Variants in LBR observed in about 807,000 individuals in gnomAD.
The protein encoded by LBR is delta(14)-sterol reductase LBR.
Under a neutral mutation model 74.3 loss-of-function variants are expected in LBR, and 28 were observed. The observed-to-expected ratio is 0.38, with a 90% CI of 0.28 to 0.52. The LOEUF (loss-of-function observed/expected upper bound fraction) is 0.52, where lower values mean the gene tolerates loss of function less well. Ranked by LOEUF, LBR falls within the 20% of genes least tolerant of loss-of-function variation. LBR has a pLI of 0.89. For missense variants in LBR, 717 were observed against 760.3 expected (o/e 0.94, Z 0.67); for synonymous variants, 228 against 269.3 (o/e 0.85, Z 1.50).
At chr1:225,413,671 T>A (rs1371057614) in intron 7 of LBR, among the ~76,000 whole-genome samples, 2 of 152,356 alleles carry the variant, frequency 1.3e-5, no homozygotes, top group South Asian at 4.1e-4. Context: ...TAAAAAAGAA[T>A]GGTTAGATAA....
intron 7 of LBR, chr1:225,413,919 G>C: frequency 2.2e-6 from 1 of 456,950 alleles, no homozygotes; most frequent in South Asian, 1.5e-5. Flanking sequence ...ACACCCCTCA[G>C]AGGGAAGTGA....
At chr1:225,404,142 A>G (rs1444555350) in intron 13 of LBR, among the ~76,000 whole-genome samples, 1 of 152,144 alleles carries the variant, frequency 6.6e-6, no homozygotes, top group Admixed American at 6.5e-5. Context: ...TAATTTCTAT[A>G]TATTCTACTT....
In LBR at chr1:225,418,031, G is replaced by A. The variant is rs140355742; in HGVS notation, c.790C>T (p.Leu264=). 213 of 1,614,198 alleles carry A rather than the reference G, an allele frequency of 1.3e-4. 1 individual carries two copies. Among genetic ancestry groups the A allele is most frequent in the Admixed American group, 1.5e-4 (9 of 60,032 alleles). The change falls in exon 6 of 14, where the codon CTG becomes TTG. Residue 264 remains leucine (L), a synonymous_variant. Transcript: ENST00000272163. ...WETRVFGVYL[L]WFLIQVLFYL... is the part of the protein sequence containing the mutation. ...AACAGGACTTGAATCAAAAACCACA[G>A]GAGGTAGACCCCAAATACTCTGGTT...
intron 7 of LBR, among the ~76,000 whole-genome samples, chr1:225,412,924 A>T (rs1302799165): frequency 6.6e-6 from 1 of 152,210 alleles, no homozygotes; most frequent in Non-Finnish European, 1.5e-5. Flanking sequence ...AACAGACAAG[A>T]AGTGCAACCT....
rs78828796 is a variant in LBR at position 225,404,662 on chromosome 1, C to T, written c.1528G>A (p.Ala510Thr). 465 of 1,611,812 alleles carry T rather than the reference C, an allele frequency of 2.9e-4. 2 individuals carry two copies. In the East Asian group the frequency reaches 8.4e-3, roughly 29 times the overall value. ...GGATCACTGGGATTTTTCCGGAATGCATTTTTCTGAGAATTTGCACCTCGG... is the reference window on the plus strand; with the variant it reads ...GGATCACTGGGATTTTTCCGGAATGTATTTTTCTGAGAATTTGCACCTCGG... ...IFRGANSQKNAFRKNPSDPKL... is the reference protein window; with the variant it reads ...IFRGANSQKNTFRKNPSDPKL... Residue 510 changes from alanine to threonine, a missense_variant, in exon 12 of 14, where the codon GCA becomes ACA. Coordinates refer to ENST00000272163, the MANE Select transcript of LBR (RefSeq NM_002296.4).
At chr1:225,416,198 A>AG (rs2096116762) in intron 6 of LBR, among the ~76,000 whole-genome samples, 1 of 144,168 alleles carries the variant, frequency 6.9e-6, no homozygotes, top group South Asian at 2.3e-4. Flanking sequence ...CCCTGTCTCA[A>AG]GAAAAAAAAA....
intron 5 of LBR, among the ~76,000 whole-genome samples, chr1:225,418,966 A>C (rs1378323417): frequency 6.6e-6 from 1 of 152,216 alleles, no homozygotes; most frequent in African/African-American, 2.4e-5. Context: ...AAACTCCCAG[A>C]TCAACCTTCC....
intron 5 of LBR, among the ~76,000 whole-genome samples, chr1:225,418,846 C>T (rs1044432808): frequency 1.3e-5 from 2 of 152,184 alleles, no homozygotes; most frequent in South Asian, 4.1e-4. Context: ...GGGCAGCCTC[C>T]GGGATCCCAT....
intron 3 of LBR, 102 bp downstream of exon 3, chr1:225,421,975 T>G (rs2096128186): frequency 8.7e-7 from 1 of 1,155,296 alleles, no homozygotes; most frequent in African/African-American, 1.5e-5. Flanking sequence ...AACTTAGATT[T>G]GATGTTTCAG....
Position 225,403,333 on chromosome 1 carries a change from CA to C in LBR, c.1817del (p.Val606GlyfsTer60). 1 of 1,613,498 alleles carries C rather than the reference CA, an allele frequency of 6.2e-7. No homozygotes were observed. The highest frequency in any genetic ancestry group is 8.5e-7 in the Non-Finnish European group (1 of 1,179,956). On this transcript the variant is annotated frameshift_variant, in exon 14 of 14. Transcript: ENST00000272163. LOFTEE classifies it high-confidence loss of function. ...GVAWEKYCQR[V>X]PYRIFPYIY ...AGATGTATGGAAATATACGGTAGGG[CA>C]CACGCTGACAGTACTTTTCCCAAGC...
intron 7 of LBR, among the ~76,000 whole-genome samples, chr1:225,414,701 G>C (rs568136092): frequency 3.7e-4 from 56 of 152,328 alleles, no homozygotes; most frequent in African/African-American, 1.3e-3. Flanking sequence ...AGCCCATGAA[G>C]CCACATTCTA....
At chr1:225,425,737 C>A (rs957363926) in intron 1 of LBR, among the ~76,000 whole-genome samples, 1 of 151,988 alleles carries the variant, frequency 6.6e-6, no homozygotes, top group African/African-American at 2.4e-5. Context: ...AAAATCAAAC[C>A]ACTCTTACTA....
At chr1:225,425,016 T>C (rs1315731904) in intron 1 of LBR, among the ~76,000 whole-genome samples, 5 of 152,184 alleles carry the variant, frequency 3.3e-5, no homozygotes, top group African/African-American at 9.7e-5. Context: ...GGGCAGCCAG[T>C]AGGACAGATA....
At chr1:225,417,389 A>T (rs567023556) in intron 6 of LBR, among the ~76,000 whole-genome samples, 1 of 152,348 alleles carries the variant, frequency 6.6e-6, no homozygotes, top group East Asian at 1.9e-4. Flanking sequence ...TACTGAAAGA[A>T]GAAAAAACTA....
At chr1:225,406,095 C>G (rs1439963434) in intron 11 of LBR, among the ~76,000 whole-genome samples, 1 of 152,194 alleles carries the variant, frequency 6.6e-6, no homozygotes. Flanking sequence ...CACACCCTTG[C>G]TGAGCTGTTC....
At chr1:225,414,084 G>C (rs1355949261) in intron 7 of LBR, 1 of 456,662 alleles carries the variant, frequency 2.2e-6, no homozygotes, top group East Asian at 7.0e-5. Flanking sequence ...GGGAGGGAGG[G>C]TGCCAAAGGT....
At chr1:225,404,364 G>A (rs762732834) in intron 13 of LBR, 40 bp downstream of exon 13, 46 of 1,612,660 alleles carry the variant, frequency 2.9e-5, no homozygotes, top group East Asian at 6.7e-5. Context: ...TCTTTCTGGC[G>A]GCTAAAAGGG....
At chr1:225,404,560 T>C (rs755137423) in intron 12 of LBR, 34 bp from the exon 13 acceptor site, 3 of 1,574,566 alleles carry the variant, frequency 1.9e-6, no homozygotes, top group South Asian at 1.1e-5. Context: ...TTTAATGATG[T>C]CGAGACAAAA....
In LBR at chr1:225,422,383, C is replaced by CT. The variant is rs1575230579; in HGVS notation, c.166-107dup. 2.0e-5 allele frequency: 17 copies of CT among 859,144 alleles called. No individual in the cohort carries two copies. In the East Asian group the frequency reaches 4.2e-4, roughly 21 times the overall value. The allele number at this position is 859,144 out of a possible 1,614,324, so 53.2% of individuals were successfully genotyped here. A position where few individuals can be genotyped will look rare whatever the true frequency, so the allele number is the denominator to read the frequency against. ...AAGGCAGGAACTGCTACCATTAACT[C>CT]TAAAATCAGCACGGGAAATGTTAGG... On this transcript the variant is annotated intron_variant, in intron 2 of 13. Transcript: ENST00000272163.
Sources: allele counts gnomAD v4.1 joint callset (sites outside exome capture counted in the v4.1 genomes callset), GRCh38; gene constraint gnomAD v4.1.1; transcripts MANE v1.5; gene names NCBI Gene and HGNC (gene_info 2026-07-23, HGNC 2026-07-21).